The following ADK variants were observed in gnomAD, a reference collection of about 807,000 sequenced individuals.
ADK encodes adenosine kinase, also known as N6,N6-dimethyladenosine kinase.
ADK carries 24 observed loss-of-function variants against 44.7 expected under a neutral mutation model. That is an observed-to-expected ratio of 0.54 (90% CI 0.39 to 0.76). The LOEUF (loss-of-function observed/expected upper bound fraction) is 0.76, where lower values mean the gene tolerates loss of function less well. Ranked by LOEUF, ADK falls within the 30% of genes least tolerant of loss-of-function variation. The pLI is 0.00. For missense variants in ADK, 321 were observed against 425.1 expected, an observed-to-expected ratio of 0.76 and a Z score of 2.15; for synonymous variants, 128 against 142.6, an observed-to-expected ratio of 0.90 and a Z score of 0.73.
intron 1 of ADK, among the ~76,000 whole-genome samples, chr10:74,193,372 G>T (rs375224786): frequency 6.6e-6 from 1 of 151,918 alleles, no homozygotes; most frequent in Non-Finnish European, 1.5e-5. Context: ...TTAACATTAG[G>T]TATATCTCCT....
At chr10:74,334,903 T>C (rs1226765656) in intron 4 of ADK, among the ~76,000 whole-genome samples, 2 of 152,174 alleles carry the variant, frequency 1.3e-5, no homozygotes, top group African/African-American at 4.8e-5. Context: ...GAGGCCTCTT[T>C]ATGTGGGGCT....
chr10:74,460,376 T>C (rs963128945), intron 6 of ADK, among the ~76,000 whole-genome samples: 3 of 152,206 alleles, frequency 2.0e-5, no homozygotes, highest in African/African-American at 7.2e-5. Flanking sequence ...GAGCCTGCTA[T>C]TCTGCAACTG....
intron 1 of ADK, among the ~76,000 whole-genome samples, chr10:74,156,565 C>T (rs1841754610): frequency 6.6e-6 from 1 of 152,090 alleles, no homozygotes; most frequent in South Asian, 2.1e-4. Context: ...AAGACTCTGT[C>T]TCAAAAAAAG....
intron 7 of ADK, 43 bp from the exon 8 acceptor site, chr10:74,589,239 C>A: frequency 6.3e-7 from 1 of 1,581,352 alleles, no homozygotes; most frequent in Non-Finnish European, 8.7e-7. Flanking sequence ...TCTTCATTAC[C>A]GAGCACTTTA....
chr10:74,520,700 T>TTG (rs922638260), intron 6 of ADK, among the ~76,000 whole-genome samples: 4 of 152,020 alleles, frequency 2.6e-5, no homozygotes, highest in Admixed American at 2.6e-4. Context: ...CTTAGAGTGG[T>TTG]TGTGTAATGT....
intron 1 of ADK, among the ~76,000 whole-genome samples, chr10:74,188,930 G>C (rs1405006252): frequency 6.6e-6 from 1 of 151,672 alleles, no homozygotes; most frequent in Non-Finnish European, 1.5e-5. Context: ...GCACCACCAC[G>C]CCAGGCTGAT....
intron 7 of ADK, among the ~76,000 whole-genome samples, chr10:74,535,986 ACT>A (rs1429386481): frequency 1.3e-5 from 2 of 152,098 alleles, no homozygotes; most frequent in Admixed American, 1.3e-4. Flanking sequence ...TTTAATCATC[ACT>A]CTGATTTATT....
chr10:74,446,222 T>C (rs1367306439), intron 6 of ADK, among the ~76,000 whole-genome samples: 1 of 152,092 alleles, frequency 6.6e-6, no homozygotes, highest in African/African-American at 2.4e-5. Flanking sequence ...GGGGGCAATC[T>C]TGTCACTAAT....
intron 3 of ADK, among the ~76,000 whole-genome samples, chr10:74,245,723 T>G (rs1324162041): frequency 6.6e-6 from 1 of 151,986 alleles, no homozygotes; most frequent in African/African-American, 2.4e-5. Flanking sequence ...TCTTAGTAGC[T>G]GGGATTACAG....
At chr10:74,290,476 T>G (rs970414986) in intron 3 of ADK, among the ~76,000 whole-genome samples, 1 of 152,224 alleles carries the variant, frequency 6.6e-6, no homozygotes, top group Admixed American at 6.5e-5. Flanking sequence ...GATTCTCATT[T>G]GTTTAATGAC....
At chr10:74,266,725 A>G (rs1048613406) in intron 3 of ADK, among the ~76,000 whole-genome samples, 2 of 152,232 alleles carry the variant, frequency 1.3e-5, no homozygotes, top group Admixed American at 1.3e-4. Flanking sequence ...TGTCCACCAA[A>G]TAAACTGTGT....
At chr10:74,364,736 G>GTA (rs1554848596) in intron 4 of ADK, among the ~76,000 whole-genome samples, 131 of 115,644 alleles carry the variant, frequency 1.1e-3, no homozygotes, top group African/African-American at 3.7e-3. Context: ...GTGTGTGTGT[G>GTA]TGTGTTCTAG....
At chr10:74,263,746 C>T (rs561781809) in intron 3 of ADK, among the ~76,000 whole-genome samples, 3 of 152,244 alleles carry the variant, frequency 2.0e-5, no homozygotes, top group Non-Finnish European at 2.9e-5. Context: ...TATTGATTTG[C>T]GTGTTCTAAA....
chr10:74,228,641 C>T (rs772596910), intron 3 of ADK, among the ~76,000 whole-genome samples: 3 of 152,126 alleles, frequency 2.0e-5, no homozygotes, highest in Non-Finnish European at 2.9e-5. Flanking sequence ...ATCTTACTCT[C>T]CAATAGTGGC....
chr10:74,242,610 C>T (rs929888813), intron 3 of ADK, among the ~76,000 whole-genome samples: 1 of 152,150 alleles, frequency 6.6e-6, no homozygotes, highest in African/African-American at 2.4e-5. Context: ...TGAAACCCCA[C>T]CTCCAAGGTG....
At chr10:74,701,497 T>TATGCCAGAACATA (rs1367833401) in intron 10 of ADK, among the ~76,000 whole-genome samples, 1 of 152,188 alleles carries the variant, frequency 6.6e-6, no homozygotes, top group Non-Finnish European at 1.5e-5. Flanking sequence ...CCCAGAACAT[T>TATGCCAGAACATA]ATGCCAGAAC....
intron 4 of ADK, among the ~76,000 whole-genome samples, chr10:74,391,660 C>T (rs1162744426): frequency 2.8e-5 from 4 of 140,394 alleles, no homozygotes; most frequent in African/African-American, 1.0e-4. Flanking sequence ...TATACACACA[C>T]ACACACACAC....
chr10:74,296,102 T>C (rs1441040499), intron 3 of ADK, among the ~76,000 whole-genome samples: 1 of 151,622 alleles, frequency 6.6e-6, no homozygotes, highest in South Asian at 2.1e-4. Flanking sequence ...GGGTTTCATT[T>C]GCAGTTTTTT....
At chr10:74,669,370 A>G (rs1327269368) in intron 9 of ADK, among the ~76,000 whole-genome samples, 1 of 152,172 alleles carries the variant, frequency 6.6e-6, no homozygotes, top group Non-Finnish European at 1.5e-5. Context: ...GCACTGTCCA[A>G]TCGTTTGCAG....
Sources: gnomAD v4.1 joint callset for allele counts (sites outside exome capture counted in the v4.1 genomes callset) on GRCh38, gnomAD v4.1.1 for gene constraint, MANE v1.5 for transcripts, NCBI Gene and HGNC (gene_info 2026-07-23, HGNC 2026-07-21) for gene names.